The following ACP7 variants were observed in gnomAD, a reference collection of about 807,000 sequenced individuals.
ACP7 encodes the protein acid phosphatase type 7.
Under a neutral mutation model 60.6 loss-of-function variants are expected in ACP7, and 58 were observed. That is an observed-to-expected ratio of 0.96 (90% CI 0.77 to 1.19). The LOEUF is 1.19. Ranked by LOEUF, ACP7 falls within the 50% of genes most tolerant of loss-of-function variation. The probability of loss-of-function intolerance (pLI) is 0.00; values close to 1 mark genes in which losing one functional copy is unlikely to be tolerated. For synonymous variants in ACP7, 237 were observed against 232.6 expected (o/e 1.02, Z -0.17); for missense variants, 574 against 596.2 (o/e 0.96, Z 0.39).
At position 39,107,008 on chromosome 19, in the gene ACP7, TGAA is replaced by T; in HGVS notation, c.1177_1179del (p.Lys393del). ...CCGAGGCCCTGGAGTGCCGTGCGTG[TGAA>T]GGAGTACGGGTATACGCGGCTGCAC... On this transcript the variant is annotated inframe_deletion, in exon 12 of 13. Coordinates refer to ENST00000331256, the MANE Select transcript of ACP7 (RefSeq NM_001004318.3). 2 of 1,614,030 alleles carry T rather than the reference TGAA, an allele frequency of 1.2e-6. No individual in the cohort carries two copies. Among genetic ancestry groups the T allele is most frequent in the East Asian group, 4.5e-5 (2 of 44,868 alleles).
Position 39,110,123 on chromosome 19 carries a change from G to A in ACP7, c.*5G>A, listed in dbSNP as rs920959040. 2.5e-6 allele frequency: 4 copies of A among 1,612,084 alleles called. No individual in the cohort carries two copies. Among genetic ancestry groups the A allele is most frequent in the Non-Finnish European group, 3.4e-6 (4 of 1,178,150 alleles). Reference sequence around the variant, plus strand: ...GGCCGGAGGATGTACCTCTAGGGATGGCGGCAGCTCTCCTCCAGAAGCCTA... The same window carrying A: ...GGCCGGAGGATGTACCTCTAGGGATAGCGGCAGCTCTCCTCCAGAAGCCTA... On this transcript the variant is annotated 3_prime_UTR_variant, in exon 13 of 13. Transcript: ENST00000331256.
At chr19:39,102,776 T>A (rs1180151834) in intron 11 of ACP7, among the ~76,000 whole-genome samples, 2 of 115,338 alleles carry the variant, frequency 1.7e-5, no homozygotes, top group African/African-American at 5.5e-5. Flanking sequence ...TCTCTCTCTC[T>A]CTCTTTCTCT....
intron 2 of ACP7, 29 bp from the exon 3 acceptor site, chr19:39,098,429 C>T (rs1169834066): frequency 2.7e-6 from 4 of 1,477,516 alleles, no homozygotes; most frequent in South Asian, 2.8e-5. Context: ...GCTTCACTCC[C>T]GGTCTACCCT....
At chr19:39,099,992 CAAAAAAAAAA>C (rs35619428) in intron 4 of ACP7, among the ~76,000 whole-genome samples, 4 of 72,522 alleles carry the variant, frequency 5.5e-5, no homozygotes, top group Non-Finnish European at 7.6e-5. Flanking sequence ...GACTCTGTCT[CAAAAAAAAAA>C]AAAAAAAAAA....
chr19:39,101,200 C>T lies in ACP7; in HGVS notation c.966C>T (p.Tyr322=), dbSNP rs144799794. 1.2e-6 allele frequency: 2 copies of T among 1,614,042 alleles called. No individual in the cohort carries two copies. Among genetic ancestry groups the T allele is most frequent in the African/African-American group, 2.7e-5 (2 of 74,922 alleles). Residue 322 remains tyrosine (Y), a synonymous_variant, in exon 9 of 13, where the codon TAC becomes TAT. Transcript: ENST00000331256. ...GKLYGLEDLF[Y]KYGVDLQLWA... ...TGTACGGGTTGGAGGATCTTTTCTACAAATATGGTGAGCGACCCTCAGGAC... is the reference window on the plus strand; with the variant it reads ...TGTACGGGTTGGAGGATCTTTTCTATAAATATGGTGAGCGACCCTCAGGAC...
chr19:39,089,950 C>A (rs1330718468), intron 2 of ACP7, among the ~76,000 whole-genome samples: 1 of 152,120 alleles, frequency 6.6e-6, no homozygotes, highest in Non-Finnish European at 1.5e-5. Flanking sequence ...AGTAATTATT[C>A]TTCCCTTTGT....
chr19:39,110,021 C>CT (rs1275645967), intron 12 of ACP7, 32 bp from the exon 13 acceptor site: 1 of 1,601,586 alleles, frequency 6.2e-7, no homozygotes, highest in Non-Finnish European at 8.6e-7. Flanking sequence ...GCTTTCAGCT[C>CT]TAACTACTGT....
intron 12 of ACP7, 99 bp downstream of exon 12, chr19:39,107,183 A>C: frequency 7.8e-7 from 1 of 1,281,458 alleles, no homozygotes; most frequent in South Asian, 2.4e-5. Flanking sequence ...GCAGTGGCTC[A>C]TGCCTGCAAC....
chr19:39,100,058 C>T (rs896659080), intron 4 of ACP7, among the ~76,000 whole-genome samples, 169 bp from the exon 5 acceptor site: 2 of 151,250 alleles, frequency 1.3e-5, no homozygotes, highest in Non-Finnish European at 2.9e-5. Context: ...CCTGTAATTC[C>T]AGCACTTTGG....
At chr19:39,106,008 C>G (rs1340987214) in intron 11 of ACP7, among the ~76,000 whole-genome samples, 1 of 152,184 alleles carries the variant, frequency 6.6e-6, no homozygotes, top group African/African-American at 2.4e-5. Context: ...TGAGACTATG[C>G]AAACATCCTG....
intron 5 of ACP7, 37 bp downstream of exon 5, chr19:39,100,387 G>C: frequency 6.2e-7 from 1 of 1,610,706 alleles, no homozygotes; most frequent in East Asian, 2.2e-5. Context: ...GCGAGGGCTG[G>C]ATCAATGGAA....
At position 39,098,473 on chromosome 19, in the gene ACP7, T is replaced by C. The variant is rs777740744; in HGVS notation, c.137T>C (p.Met46Thr). Residue 46 changes from methionine (M) to threonine (T), a missense_variant, in exon 3 of 13, where the codon ATG (methionine) becomes ACG (threonine). Met to Thr is a moderately conservative substitution (Grantham distance 81). Coordinates refer to ENST00000331256, the MANE Select transcript of ACP7 (RefSeq NM_001004318.3). ...TTCTCCCCAGGTGAGCCAGGCTCCA[T>C]GACTGTAACTTGGACCACATGGGTC... ...HLSYPGEPGS[M>T]TVTWTTWVPT... is the part of the protein sequence containing the mutation. The C allele has an allele frequency of 1.1e-5, 16 of 1,518,794 alleles. No homozygotes were observed. Among genetic ancestry groups the C allele is most frequent in the African/African-American group, 1.4e-5 (1 of 71,952 alleles). 94.1% of individuals were successfully genotyped at this position (1,518,794 alleles called of 1,614,324 possible).
In ACP7 at chr19:39,110,329, G is replaced by A. The variant is rs879322714; in HGVS notation, c.*211G>A. 2.9e-5 allele frequency: 17 copies of A among 587,612 alleles called. 2 individuals are homozygous for A. The highest frequency in any genetic ancestry group is 5.1e-5 in the Non-Finnish European group (17 of 331,600). The allele number at this position is 587,612 out of a possible 1,614,324, so 36.4% of individuals were successfully genotyped here. On this transcript the variant is annotated 3_prime_UTR_variant, in exon 13 of 13. Coordinates refer to ENST00000331256, the MANE Select transcript of ACP7 (RefSeq NM_001004318.3). ...CTGGCTGGCTGTGGAGGGAGGGCAG[G>A]TGTGCGGGCACAGAGTGACACACGG...
intron 12 of ACP7, among the ~76,000 whole-genome samples, chr19:39,107,447 G>A (rs113512876): frequency 4.6e-5 from 7 of 151,900 alleles, no homozygotes; most frequent in African/African-American, 1.7e-4. Context: ...AGCCAGGCGT[G>A]GTGGCAGGTG....
intron 3 of ACP7, 76 bp from the exon 4 acceptor site, chr19:39,098,884 A>G: frequency 1.0e-6 from 1 of 993,088 alleles, no homozygotes; most frequent in Non-Finnish European, 1.4e-6. Context: ...CCCCTCCACC[A>G]GTCGGGGAAG....
At chr19:39,105,764 G>T (rs867386278) in intron 11 of ACP7, among the ~76,000 whole-genome samples, 2 of 152,080 alleles carry the variant, frequency 1.3e-5, no homozygotes, top group African/African-American at 2.4e-5. Context: ...TGCCCGCCTC[G>T]GCCTCCCAGA....
intron 11 of ACP7, among the ~76,000 whole-genome samples, chr19:39,102,118 T>TCA (rs755325181): frequency 0.21 from 27,435 of 132,754 alleles, 3,082 homozygotes; most frequent in Non-Finnish European, 0.25. Context: ...AGACCCTTTC[T>TCA]CTCACACACA....
chr19:39,095,325 GC>G (rs1417774516), intron 2 of ACP7, among the ~76,000 whole-genome samples: 5 of 152,186 alleles, frequency 3.3e-5, no homozygotes, highest in Admixed American at 6.6e-5. Flanking sequence ...GGTAAATACA[GC>G]CATTCCAAAT....
At chr19:39,100,416 G>T in intron 5 of ACP7, 66 bp downstream of exon 5, 1 of 1,606,162 alleles carries the variant, frequency 6.2e-7, no homozygotes. Flanking sequence ...GTTCTTCTTA[G>T]TGTCTCCCTT....
Sources: gnomAD v4.1 joint callset for allele counts (sites outside exome capture counted in the v4.1 genomes callset) on GRCh38, gnomAD v4.1.1 for gene constraint, MANE v1.5 for transcripts, NCBI Gene and HGNC (gene_info 2026-07-23, HGNC 2026-07-21) for gene names.